FER: variants seen among roughly 807,000 people sequenced by gnomAD.
FER encodes the protein tyrosine-protein kinase Fer.
Under a neutral mutation model 111.0 loss-of-function variants are expected in FER, and 63 were observed. The ratio of observed to expected loss-of-function variants is 0.57; its 90% CI spans 0.46 to 0.70. FER has a LOEUF of 0.70. Among genes scored for constraint, FER ranks in the 30% least tolerant of loss-of-function variants. The pLI is 0.00. For synonymous variants in FER, 327 were observed against 313.9 expected, an observed-to-expected ratio of 1.04 and a Z score of -0.44; for missense variants, 914 against 954.0, an observed-to-expected ratio of 0.96 and a Z score of 0.55.
rs180901606 is a variant in FER, at chr5:108,831,802, T to C, written c.208-968T>C. 2.7e-4 allele frequency among the ~76,000 whole-genome samples: 41 copies of C among 152,366 alleles called. No homozygotes were observed. In the East Asian group the frequency reaches 3.7e-3, roughly 14 times the overall value. On this transcript the variant is annotated intron_variant, in intron 3 of 19. Transcript: ENST00000281092. ...AATATTAACAGAAGGAAAATAATTC[T>C]GTTCATTCACAGATCAAAAATAATA...
chr5:109,048,652 T>C (rs1772324432), intron 16 of FER, among the ~76,000 whole-genome samples: 1 of 152,184 alleles, frequency 6.6e-6, no homozygotes, highest in Admixed American at 6.5e-5. Context: ...ATAAACTTCA[T>C]TAGAAAATTG....
At chr5:109,066,864 A>G (rs901719393) in intron 16 of FER, among the ~76,000 whole-genome samples, 20 of 152,316 alleles carry the variant, frequency 1.3e-4, no homozygotes, top group Non-Finnish European at 2.6e-4. Context: ...TTTAACAATA[A>G]TCACAAATTT....
At chr5:108,933,879 G>A (rs1163434241) in intron 10 of FER, among the ~76,000 whole-genome samples, 1 of 152,070 alleles carries the variant, frequency 6.6e-6, no homozygotes, top group Non-Finnish European at 1.5e-5. Flanking sequence ...TTGAATGGGA[G>A]TTCACTCATT....
At chr5:109,120,200 T>C (rs917887823) in intron 17 of FER, among the ~76,000 whole-genome samples, 2 of 152,138 alleles carry the variant, frequency 1.3e-5, no homozygotes, top group Non-Finnish European at 2.9e-5. Flanking sequence ...CTGGAGAGTT[T>C]CCCCAATGTT....
chr5:109,063,518 A>T (rs1774704303), intron 16 of FER, among the ~76,000 whole-genome samples: 1 of 152,216 alleles, frequency 6.6e-6, no homozygotes, highest in South Asian at 2.1e-4. Context: ...ATACTCACTA[A>T]AAGAGAATCC....
At chr5:109,157,605 A>ATTGTG (rs1283645535) in intron 17 of FER, among the ~76,000 whole-genome samples, 6 of 151,756 alleles carry the variant, frequency 4.0e-5, no homozygotes, top group African/African-American at 1.5e-4. Context: ...TAGATTTCCT[A>ATTGTG]TTGTGAGGAT....
At chr5:109,074,898 G>A (rs1214047134) in intron 16 of FER, among the ~76,000 whole-genome samples, 1 of 152,166 alleles carries the variant, frequency 6.6e-6, no homozygotes. Context: ...CGTGATTAAA[G>A]AACAAATGAT....
Position 108,946,189 on chromosome 5 carries a change from T to G in FER, c.1296T>G (p.Ile432Met), listed in dbSNP as rs145742969. The change falls in exon 11 of 20, where the codon ATT (isoleucine) becomes ATG (methionine). Residue 432 changes from isoleucine (I) to methionine (M), a missense_variant. This residue lies in a region of FER where 774 missense variants were observed against 782.6 expected (regional missense o/e 0.99). Transcript: ENST00000281092. ...ESIRHSIAGI[I>M]RSPKSALGSS... is the part of the protein sequence containing the mutation. Reference sequence around the variant, plus strand: ...TTCGTCATTCAATTGCTGGAATAATTAGGTCTCCAAAATCTGCACTGGGCT... The same window carrying G: ...TTCGTCATTCAATTGCTGGAATAATGAGGTCTCCAAAATCTGCACTGGGCT... 1.9e-6 allele frequency: 3 copies of G among 1,612,250 alleles called. 1 individual carries two copies. The highest frequency in any genetic ancestry group is 2.2e-5 in the South Asian group (2 of 91,052).
chr5:108,906,706 G>C (rs972932936), intron 10 of FER, among the ~76,000 whole-genome samples: 1 of 151,380 alleles, frequency 6.6e-6, no homozygotes, highest in Non-Finnish European at 1.5e-5. Flanking sequence ...TAATTTGAAT[G>C]AAAGAAAAAA....
intron 1 of FER, among the ~76,000 whole-genome samples, chr5:108,750,869 T>C (rs1032210633): frequency 1.3e-5 from 2 of 152,160 alleles, no homozygotes; most frequent in African/African-American, 2.4e-5. Context: ...CATTAAGGAA[T>C]AGAGGAACTG....
intron 2 of FER, among the ~76,000 whole-genome samples, chr5:108,786,202 T>G (rs1233919147): frequency 6.6e-6 from 1 of 152,242 alleles, no homozygotes; most frequent in Non-Finnish European, 1.5e-5. Context: ...CATAGAGTTC[T>G]GGAAAATTGT....
At chr5:109,102,162 C>A (rs1010005582) in intron 17 of FER, among the ~76,000 whole-genome samples, 5 of 152,054 alleles carry the variant, frequency 3.3e-5, no homozygotes, top group Non-Finnish European at 7.4e-5. Flanking sequence ...TTTTTGAATT[C>A]ATTTCCCTCT....
intron 3 of FER, among the ~76,000 whole-genome samples, chr5:108,818,499 A>G (rs1035480769): frequency 3.9e-5 from 6 of 152,256 alleles, no homozygotes; most frequent in Middle Eastern, 3.4e-3. Context: ...GGTAAAAGCA[A>G]TATTTTTAAT....
chr5:109,175,396 T>G (rs1757567980), intron 17 of FER, among the ~76,000 whole-genome samples: 1 of 152,124 alleles, frequency 6.6e-6, no homozygotes, highest in Admixed American at 6.5e-5. Flanking sequence ...TTTCCAAACC[T>G]CCAAGAGCTA....
intron 6 of FER, among the ~76,000 whole-genome samples, chr5:108,869,165 A>G (rs1234232204): frequency 5.9e-5 from 9 of 152,178 alleles, no homozygotes; most frequent in Non-Finnish European, 1.3e-4. Flanking sequence ...CATTTCATTT[A>G]TAGACTACAT....
At chr5:108,800,040 A>G (rs569297148) in intron 3 of FER, among the ~76,000 whole-genome samples, 1 of 152,000 alleles carries the variant, frequency 6.6e-6, no homozygotes, top group East Asian at 1.9e-4. Flanking sequence ...ATGGGGTTTC[A>G]TCATGTTGGC....
chr5:109,039,143 AGCCATGATTCCTATTGTTAGAGACT>A, intron 14 of FER, among the ~76,000 whole-genome samples: 1 of 152,154 alleles, frequency 6.6e-6, no homozygotes, highest in South Asian at 2.1e-4. Flanking sequence ...TAAGACAATT[AGCCATGATTCCTATTGTTAGAGACT>A]TTGGAGTTAA....
At chr5:108,926,564 C>T (rs1401238976) in intron 10 of FER, among the ~76,000 whole-genome samples, 1 of 152,172 alleles carries the variant, frequency 6.6e-6, no homozygotes, top group Admixed American at 6.5e-5. Context: ...ATTGAACTCT[C>T]ATAATTATGA....
chr5:109,082,761 T>C (rs1354124680), intron 16 of FER, among the ~76,000 whole-genome samples: 1 of 151,998 alleles, frequency 6.6e-6, no homozygotes, highest in Non-Finnish European at 1.5e-5. Flanking sequence ...TTTATATGTT[T>C]TCCTTTGAGA....
Sources: gnomAD v4.1 joint callset for allele counts (sites outside exome capture counted in the v4.1 genomes callset) on GRCh38, gnomAD v4.1.1 for gene constraint, gnomAD v4.1.1 regional missense constraint, MANE v1.5 for transcripts, NCBI Gene and HGNC (gene_info 2026-07-23, HGNC 2026-07-21) for gene names.